The following ADAMTSL1 variants were observed in gnomAD, a reference collection of about 807,000 sequenced individuals.
ADAMTSL1 encodes the protein ADAMTS-like protein 1.
A neutral mutation model predicts 201.8 loss-of-function variants in ADAMTSL1; 126 were observed. That is an observed-to-expected ratio of 0.62 (90% confidence interval 0.54 to 0.72). ADAMTSL1 has a LOEUF of 0.72. Ranked by LOEUF, ADAMTSL1 falls within the 30% of genes least tolerant of loss-of-function variation. ADAMTSL1 has a pLI of 0.00. For synonymous variants in ADAMTSL1, 1,121 were observed against 903.4 expected, an observed-to-expected ratio of 1.24 and a Z score of -4.32; for missense variants, 2,679 against 2,277.8, an observed-to-expected ratio of 1.18 and a Z score of -3.59.
chr9:18,770,863 G>C, intron 17 of ADAMTSL1, 82 bp downstream of exon 17: 1 of 1,380,160 alleles, frequency 7.2e-7, no homozygotes, highest in East Asian at 2.4e-5. Context: ...GAAAAGGCAA[G>C]AAGAGAACAA....
At chr9:18,736,257 TA>T (rs1818495149) in intron 15 of ADAMTSL1, among the ~76,000 whole-genome samples, 1 of 152,138 alleles carries the variant, frequency 6.6e-6, no homozygotes, top group South Asian at 2.1e-4. Context: ...TTAGGGAGCA[TA>T]AACGGTAGGC....
intron 23 of ADAMTSL1, among the ~76,000 whole-genome samples, chr9:18,877,763 T>C (rs1439869541): frequency 6.6e-6 from 1 of 151,872 alleles, no homozygotes; most frequent in Admixed American, 6.6e-5. Flanking sequence ...GTATAGGGAG[T>C]ATACAAGCTT....
intron 2 of ADAMTSL1, among the ~76,000 whole-genome samples, chr9:18,452,806 C>T (rs377492884): frequency 1.2e-4 from 19 of 152,166 alleles, no homozygotes; most frequent in East Asian, 5.8e-4. Context: ...GAGGTTGGGC[C>T]GCCAAGGCCT....
intron 4 of ADAMTSL1, among the ~76,000 whole-genome samples, chr9:18,589,454 C>G (rs919385824): frequency 1.3e-5 from 2 of 152,078 alleles, no homozygotes; most frequent in African/African-American, 2.4e-5. Flanking sequence ...AATTTGTTCA[C>G]AAGTTATAAG....
chr9:18,006,013 CA>C (rs1276177187), intron 1 of ADAMTSL1, among the ~76,000 whole-genome samples: 2 of 151,568 alleles, frequency 1.3e-5, no homozygotes, highest in African/African-American at 4.9e-5. Context: ...GTGTAAACTA[CA>C]CAATGGTAAA....
At chr9:18,615,299 A>G (rs1216255736) in intron 4 of ADAMTSL1, among the ~76,000 whole-genome samples, 3 of 152,174 alleles carry the variant, frequency 2.0e-5, no homozygotes, top group Non-Finnish European at 4.4e-5. Flanking sequence ...TGAGAGAGGT[A>G]TGTATGCCTG....
At position 18,588,871 on chromosome 9, in the gene ADAMTSL1, A is replaced by G. The variant is rs570478622; in HGVS notation, c.474+14605A>G. The stretch of plus-strand genomic sequence containing the variant: ...TGGGGTTACTATAGCTTTGTGCCAT[A>G]TATATACATATACATATATATATAT... On this transcript the variant is annotated intron_variant, in intron 4 of 28. Coordinates refer to ENST00000380548, the MANE Select transcript of ADAMTSL1 (RefSeq NM_001040272.6). Among the ~76,000 whole-genome samples the G allele has an allele frequency of 7.6e-5, 10 of 132,408 alleles. No homozygotes were observed. The South Asian group carries it at 1.5e-3, about 19-fold the overall frequency. 86.9% of individuals were successfully genotyped at this position (132,408 alleles called of 152,430 possible).
intron 20 of ADAMTSL1, among the ~76,000 whole-genome samples, chr9:18,798,770 G>T (rs763795845): frequency 3.1e-4 from 47 of 152,184 alleles, no homozygotes; most frequent in Non-Finnish European, 5.9e-4. Flanking sequence ...AGTTTGCCCC[G>T]TCCCGTAGAT....
chr9:18,828,660 T>TTTA (rs10685537), intron 22 of ADAMTSL1, among the ~76,000 whole-genome samples: 572 of 28,498 alleles, frequency 0.02, 14 homozygotes, highest in Middle Eastern at 0.029. Flanking sequence ...GAAAGTATAT[T>TTTA]TATATATATA....
At chr9:18,576,486 C>T (rs1056280050) in intron 4 of ADAMTSL1, among the ~76,000 whole-genome samples, 1 of 152,102 alleles carries the variant, frequency 6.6e-6, no homozygotes, top group East Asian at 1.9e-4. Context: ...TCAAGTATAC[C>T]TGTTTAATAC....
rs578185872 is a variant in ADAMTSL1, at chr9:18,260,949, A to G, written c.207+96968A>G. ...TGGCTATGTTCAGCTCTATATATTT[A>G]GCAAGTTGTATGTAAGTAGAGATTC... On this transcript the variant is annotated intron_variant, in intron 2 of 29. Transcript: ENST00000680146. 1.1e-4 allele frequency among the ~76,000 whole-genome samples: 17 copies of G among 150,408 alleles called. No homozygotes were observed. In the South Asian group the frequency reaches 3.0e-3, roughly 26 times the overall value.
At position 18,722,899 on chromosome 9, in the gene ADAMTSL1, C is replaced by T; in HGVS notation, c.2006+1234C>T. ...TCCTGAGTAACCTCGTTTTCTATCC[C>T]TGCCCCACCTGGTTCCACATTTCTG... is the stretch of plus-strand genomic sequence containing the variant. On this transcript the variant is annotated intron_variant, in intron 15 of 28. Coordinates refer to ENST00000380548, the MANE Select transcript of ADAMTSL1 (RefSeq NM_001040272.6). 8.5e-6 allele frequency: 6 copies of T among 705,382 alleles called. 1 individual carries two copies. In the South Asian group the frequency reaches 9.1e-5, roughly 11 times the overall value. 43.7% of individuals were successfully genotyped at this position (705,382 alleles called of 1,614,324 possible).
intron 2 of ADAMTSL1, among the ~76,000 whole-genome samples, chr9:18,514,835 T>A (rs1158116180): frequency 1.3e-5 from 2 of 152,206 alleles, no homozygotes; most frequent in East Asian, 3.9e-4. Flanking sequence ...TGAACAGAAG[T>A]GGCAAGAGTG....
At chr9:18,900,775 C>T (rs1358170219) in intron 26 of ADAMTSL1, among the ~76,000 whole-genome samples, 11 of 3,002 alleles carry the variant, frequency 3.7e-3, no homozygotes, top group East Asian at 0.01. Flanking sequence ...GGCCTATTGG[C>T]GGTGGGGGTG....
At chr9:18,770,425 C>T (rs1354800974) in intron 16 of ADAMTSL1, among the ~76,000 whole-genome samples, 177 bp from the exon 17 acceptor site, 2 of 151,436 alleles carry the variant, frequency 1.3e-5, no homozygotes, top group African/African-American at 4.9e-5. Flanking sequence ...GTAGATCTTG[C>T]TACAAAATTC....
chr9:18,215,812 C>T (rs186902384), intron 2 of ADAMTSL1, among the ~76,000 whole-genome samples: 58 of 152,258 alleles, frequency 3.8e-4, no homozygotes, highest in East Asian at 2.3e-3. Context: ...GCTGTCCTCA[C>T]GGAGAACTCT....
intron 13 of ADAMTSL1, 35 bp from the exon 14 acceptor site, chr9:18,706,712 C>A: frequency 1.3e-6 from 2 of 1,543,306 alleles, no homozygotes; most frequent in Non-Finnish European, 1.7e-6. Context: ...CCTGGGGCTT[C>A]TCATCCTGTC....
At chr9:18,437,063 A>G (rs1415678110) in intron 2 of ADAMTSL1, among the ~76,000 whole-genome samples, 1 of 151,030 alleles carries the variant, frequency 6.6e-6, no homozygotes, top group East Asian at 2.0e-4. Context: ...GTGGGTCACC[A>G]TCTAGGATGG....
At chr9:17,986,431 C>G (rs184104946) in intron 1 of ADAMTSL1, among the ~76,000 whole-genome samples, 2 of 151,994 alleles carry the variant, frequency 1.3e-5, no homozygotes, top group Admixed American at 6.6e-5. Context: ...AGTATGTACC[C>G]AAGGAGAAAG....
Sources: gnomAD v4.1 joint callset for allele counts (sites outside exome capture counted in the v4.1 genomes callset) on GRCh38, gnomAD v4.1.1 for gene constraint, MANE v1.5 for transcripts, NCBI Gene and HGNC (gene_info 2026-07-23, HGNC 2026-07-21) for gene names.